The following AUTS2 variants were observed in gnomAD, a reference collection of about 807,000 sequenced individuals.
The protein encoded by AUTS2 is activator of transcription and developmental regulator AUTS2.
AUTS2 carries 17 observed loss-of-function variants against 112.4 expected under a neutral mutation model. The observed-to-expected ratio is 0.15, with a 90% CI of 0.10 to 0.23. The LOEUF is 0.23. Ranked by LOEUF, AUTS2 falls within the 10% of genes least tolerant of loss-of-function variation. The probability of loss-of-function intolerance (pLI) is 1.00; values close to 1 mark genes in which losing one functional copy is unlikely to be tolerated. For missense variants in AUTS2, 1,510 were observed against 1,701.6 expected (o/e 0.89, Z 1.98); for synonymous variants, 751 against 702.7 (o/e 1.07, Z -1.09).
At chr7:69,634,410 G>T (rs977122754) in intron 1 of AUTS2, among the ~76,000 whole-genome samples, 5 of 152,226 alleles carry the variant, frequency 3.3e-5, no homozygotes, top group Admixed American at 2.0e-4. Flanking sequence ...GTGAGCCACC[G>T]CGCCCGGCCC....
intron 1 of AUTS2, among the ~76,000 whole-genome samples, chr7:69,797,273 C>T (rs1393489213): frequency 2.0e-5 from 3 of 152,052 alleles, no homozygotes; most frequent in Admixed American, 6.5e-5. Flanking sequence ...TTGAGTATTA[C>T]CTGGGGGGAC....
At chr7:70,396,916 A>G (rs1203318074) in intron 4 of AUTS2, among the ~76,000 whole-genome samples, 1 of 152,176 alleles carries the variant, frequency 6.6e-6, no homozygotes, top group East Asian at 1.9e-4. Context: ...TGGAACTGGT[A>G]GGTATATGTT....
At chr7:70,265,106 T>A (rs888199170) in intron 4 of AUTS2, among the ~76,000 whole-genome samples, 2 of 152,226 alleles carry the variant, frequency 1.3e-5, no homozygotes, top group Admixed American at 6.5e-5. Flanking sequence ...TTTATTGCTT[T>A]AATCTGAGAA....
intron 4 of AUTS2, among the ~76,000 whole-genome samples, chr7:70,176,696 C>CT (rs1216125123): frequency 6.6e-6 from 1 of 152,166 alleles, no homozygotes; most frequent in Non-Finnish European, 1.5e-5. Context: ...TTCCAACAGG[C>CT]TTATTCCTGA....
chr7:69,712,187 C>A (rs372612804), intron 1 of AUTS2, among the ~76,000 whole-genome samples: 12 of 152,088 alleles, frequency 7.9e-5, no homozygotes, highest in East Asian at 3.9e-4. Flanking sequence ...AGACATGGTG[C>A]CTTTTTCACT....
At chr7:70,755,853 A>G (rs577307763) in intron 6 of AUTS2, among the ~76,000 whole-genome samples, 33 of 151,920 alleles carry the variant, frequency 2.2e-4, no homozygotes, top group African/African-American at 7.9e-4. Flanking sequence ...TAATAAGTAT[A>G]CTTTACTAAT....
chr7:70,566,741 G>A (rs369653178), intron 5 of AUTS2, among the ~76,000 whole-genome samples: 2 of 152,132 alleles, frequency 1.3e-5, no homozygotes, highest in Admixed American at 1.3e-4. Context: ...TATTCTTGAG[G>A]AGAAAAAAAG....
chr7:70,033,215 AT>A (rs920361935), intron 2 of AUTS2, among the ~76,000 whole-genome samples: 2 of 152,302 alleles, frequency 1.3e-5, no homozygotes, highest in South Asian at 4.1e-4. Context: ...TAAAGCTATT[AT>A]TTTTTTAAAA....
At chr7:70,242,834 AAAAG>A (rs756586389) in intron 4 of AUTS2, among the ~76,000 whole-genome samples, 10 of 152,188 alleles carry the variant, frequency 6.6e-5, no homozygotes, top group Admixed American at 1.3e-4. Flanking sequence ...GGAATAAGCA[AAAAG>A]AAAGAGAGCA....
At chr7:70,691,183 C>G (rs892602217) in intron 5 of AUTS2, among the ~76,000 whole-genome samples, 2 of 152,170 alleles carry the variant, frequency 1.3e-5, no homozygotes, top group African/African-American at 4.8e-5. Context: ...AATCATTAAT[C>G]TAACACCAGA....
At chr7:69,686,041 G>C (rs1396291110) in intron 1 of AUTS2, among the ~76,000 whole-genome samples, 11 of 152,198 alleles carry the variant, frequency 7.2e-5, no homozygotes, top group Admixed American at 6.5e-4. Flanking sequence ...TGTCAGGAAG[G>C]AGGGATATTA....
intron 1 of AUTS2, among the ~76,000 whole-genome samples, chr7:69,690,251 C>T (rs1797268478): frequency 6.6e-6 from 1 of 152,140 alleles, no homozygotes; most frequent in African/African-American, 2.4e-5. Context: ...CATGGAGTAT[C>T]CTACATATAA....
chr7:69,970,739 G>C (rs905314924), intron 2 of AUTS2, among the ~76,000 whole-genome samples: 4 of 152,084 alleles, frequency 2.6e-5, no homozygotes, highest in Admixed American at 2.6e-4. Flanking sequence ...GCTAGCCCTT[G>C]ACCTTGTATA....
intron 5 of AUTS2, among the ~76,000 whole-genome samples, chr7:70,673,068 C>T (rs888051541): frequency 6.6e-6 from 1 of 152,196 alleles, no homozygotes; most frequent in Non-Finnish European, 1.5e-5. Flanking sequence ...GAGGTGACGG[C>T]ACTAATCAGA....
chr7:69,888,966 C>T (rs918492001), intron 1 of AUTS2, among the ~76,000 whole-genome samples: 3 of 152,042 alleles, frequency 2.0e-5, no homozygotes, highest in African/African-American at 4.8e-5. Context: ...GATGGAAGTC[C>T]GAGAGGGGAA....
At chr7:70,586,679 C>G (rs886894087) in intron 5 of AUTS2, among the ~76,000 whole-genome samples, 1 of 152,142 alleles carries the variant, frequency 6.6e-6, no homozygotes, top group African/African-American at 2.4e-5. Context: ...ATCCTAAACT[C>G]TGGTGTGGGA....
intron 2 of AUTS2, among the ~76,000 whole-genome samples, chr7:69,969,972 G>A (rs1024066068): frequency 1.3e-5 from 2 of 152,108 alleles, no homozygotes; most frequent in Non-Finnish European, 2.9e-5. Context: ...GGCAAGTAAC[G>A]CATGACCAAA....
At chr7:70,473,894 T>C (rs1333293559) in intron 5 of AUTS2, among the ~76,000 whole-genome samples, 1 of 152,120 alleles carries the variant, frequency 6.6e-6, no homozygotes, top group African/African-American at 2.4e-5. Flanking sequence ...GGTTCTATGT[T>C]ACCAGATCAT....
intron 6 of AUTS2, among the ~76,000 whole-genome samples, chr7:70,748,148 A>C (rs369678790): frequency 6.6e-6 from 1 of 152,082 alleles, no homozygotes; most frequent in African/African-American, 2.4e-5. Context: ...ATTTCTAACA[A>C]GCTATTATCA....
Sources: allele counts gnomAD v4.1 joint callset (sites outside exome capture counted in the v4.1 genomes callset), GRCh38; gene constraint gnomAD v4.1.1; transcripts MANE v1.5; gene names NCBI Gene and HGNC (gene_info 2026-07-23, HGNC 2026-07-21).